The following USP24 variants were observed in gnomAD, a reference collection of about 807,000 sequenced individuals.
The protein encoded by USP24 is ubiquitin specific peptidase 24.
A neutral mutation model predicts 361.6 loss-of-function variants in USP24; 97 were observed. That is an observed-to-expected ratio of 0.27 (90% confidence interval 0.23 to 0.32). The LOEUF is 0.32. Among genes scored for constraint, USP24 ranks in the 10% least tolerant of loss-of-function variants. USP24 has a pLI of 1.00. For missense variants in USP24, 2,353 were observed against 3,165.6 expected (o/e 0.74, Z 6.16); for synonymous variants, 1,098 against 1,124.6 (o/e 0.98, Z 0.47).
intron 1 of USP24, among the ~76,000 whole-genome samples, chr1:55,200,758 T>G (rs1367777146): frequency 6.6e-6 from 1 of 152,228 alleles, no homozygotes. Context: ...TGACATCCTC[T>G]GCAAATCTTC....
intron 16 of USP24, among the ~76,000 whole-genome samples, chr1:55,151,290 C>G (rs1647185232): frequency 6.6e-6 from 1 of 152,192 alleles, no homozygotes; most frequent in African/African-American, 2.4e-5. Context: ...AGGACCACAG[C>G]AAAAATTTTT....
At chr1:55,172,880 A>C (rs1339994254) in intron 3 of USP24, among the ~76,000 whole-genome samples, 3 of 152,204 alleles carry the variant, frequency 2.0e-5, no homozygotes, top group Non-Finnish European at 2.9e-5. Flanking sequence ...GCCTTGAACA[A>C]ATTTACCTGA....
At chr1:55,153,544 T>A (rs553765181) in intron 16 of USP24, among the ~76,000 whole-genome samples, 1 of 152,180 alleles carries the variant, frequency 6.6e-6, no homozygotes, top group African/African-American at 2.4e-5. Context: ...CAATATTTAT[T>A]TGGAGTCCAC....
intron 1 of USP24, among the ~76,000 whole-genome samples, chr1:55,209,603 A>C (rs1644801369): frequency 6.6e-6 from 1 of 152,220 alleles, no homozygotes; most frequent in African/African-American, 2.4e-5. Flanking sequence ...TAGGAAACCT[A>C]ATATTGAAAC....
At chr1:55,097,485 T>C (rs952730330) in intron 48 of USP24, 113 bp downstream of exon 48, 1 of 1,426,240 alleles carries the variant, frequency 7.0e-7, no homozygotes, top group South Asian at 1.5e-5. Flanking sequence ...TTCATAATGC[T>C]GAGACAACAG....
rs1645241550 is a variant in USP24 at position 55,085,959 on chromosome 1, A to G, written c.6748T>C (p.Leu2250=). ...TILEKTLDSA[L]FYQDKLKSLH... ...AGACCGACCTTATCCTGATAAAACA[A>G]GGCACTGTCTAGGGTTTTCTCCAGA... Residue 2250 remains leucine, a synonymous_variant, in exon 56 of 68, where the codon TTG becomes CTG. Coordinates refer to ENST00000294383, the MANE Select transcript of USP24 (RefSeq NM_015306.3). 6.2e-7 allele frequency: 1 copy of G among 1,613,924 alleles called. No individual in the cohort carries two copies. The highest frequency in any genetic ancestry group is 2.2e-5 in the East Asian group (1 of 44,874).
chr1:55,138,472 AT>A lies in USP24; in HGVS notation c.2928+135del, dbSNP rs1225633261. The A allele has an allele frequency of 5.1e-6, 3 of 586,866 alleles. No individual in the cohort carries two copies. The East Asian group carries it at 8.6e-5, about 17-fold the overall frequency. 36.4% of individuals were successfully genotyped at this position (586,866 alleles called of 1,614,324 possible). A position where few individuals can be genotyped will look rare whatever the true frequency, so the allele number is the denominator to read the frequency against. On this transcript the variant is annotated intron_variant, in intron 26 of 67. Coordinates refer to ENST00000294383, the MANE Select transcript of USP24 (RefSeq NM_015306.3). ...ATATCTGCTTGTACCCCACAGTTTCATTTCAGGTCTTTATTCTACATTTGTT... is the reference window on the plus strand; with the variant it reads ...ATATCTGCTTGTACCCCACAGTTTCATTCAGGTCTTTATTCTACATTTGTT...
At chr1:55,210,232 A>G (rs1644815983) in intron 1 of USP24, among the ~76,000 whole-genome samples, 1 of 152,230 alleles carries the variant, frequency 6.6e-6, no homozygotes, top group Non-Finnish European at 1.5e-5. Flanking sequence ...TTCCCAAAGG[A>G]GATATATATA....
At position 55,172,451 on chromosome 1, in the gene USP24, G is replaced by A. The variant is rs781504845; in HGVS notation, c.628C>T (p.Leu210=). Residue 210 remains leucine, a synonymous_variant, in exon 4 of 68, where the codon CTA becomes TTA. Transcript: ENST00000294383. ...CTCTCTGCGACCAGTTCTATTAATAGCATCAACATGTTGTAAATTCCTTCA... is the reference window on the plus strand; with the variant it reads ...CTCTCTGCGACCAGTTCTATTAATAACATCAACATGTTGTAAATTCCTTCA... ...IHEGIYNMLM[L]LIELVAERIK... The A allele has an allele frequency of 6.2e-7, 1 of 1,613,432 alleles. No individual in the cohort carries two copies. Among genetic ancestry groups the A allele is most frequent in the Admixed American group, 1.7e-5 (1 of 59,988 alleles).
intron 5 of USP24, 35 bp downstream of exon 5, chr1:55,171,521 T>C: frequency 6.3e-7 from 1 of 1,575,764 alleles, no homozygotes; most frequent in Non-Finnish European, 8.6e-7. Context: ...TTCAATACAT[T>C]TTTCTATAAA....
chr1:55,091,619 A>G (rs1414733797), intron 54 of USP24, among the ~76,000 whole-genome samples: 2 of 152,106 alleles, frequency 1.3e-5, no homozygotes, highest in Admixed American at 6.5e-5. Context: ...ACTAAAACAC[A>G]ATTAGTCACT....
chr1:55,126,097 T>C (rs1646420809), intron 32 of USP24, among the ~76,000 whole-genome samples: 1 of 152,246 alleles, frequency 6.6e-6, no homozygotes, highest in Non-Finnish European at 1.5e-5. Context: ...CAGCAGAGTC[T>C]TCACAGTAGC....
chr1:55,131,861 C>A (rs1201171398), intron 31 of USP24, among the ~76,000 whole-genome samples: 1 of 152,128 alleles, frequency 6.6e-6, no homozygotes, highest in Admixed American at 6.5e-5. Flanking sequence ...CAAAATCATT[C>A]AGGGCTTTAT....
intron 38 of USP24, among the ~76,000 whole-genome samples, chr1:55,114,465 A>T (rs940418150): frequency 1.3e-5 from 2 of 152,194 alleles, no homozygotes; most frequent in Admixed American, 1.3e-4. Flanking sequence ...ACAAAGCTGG[A>T]GGCATCATGC....
chr1:55,158,828 G>A lies in USP24; in HGVS notation c.1227+50C>T, dbSNP rs550671412. On this transcript the variant is annotated intron_variant, in intron 10 of 67. Coordinates refer to ENST00000294383, the MANE Select transcript of USP24 (RefSeq NM_015306.3). Reference sequence around the variant, plus strand: ...ATATTAATAAGCATACATCTTGGCAGAACTTAGTATCTGTGCATTAAGTCT... The same window carrying A: ...ATATTAATAAGCATACATCTTGGCAAAACTTAGTATCTGTGCATTAAGTCT... 2.2e-6 allele frequency: 3 copies of A among 1,334,180 alleles called. No individual in the cohort carries two copies. In the African/African-American group the frequency reaches 4.5e-5, roughly 20 times the overall value. The allele number at this position is 1,334,180 out of a possible 1,614,324, so 82.6% of individuals were successfully genotyped here. A position where few individuals can be genotyped will look rare whatever the true frequency, so the allele number is the denominator to read the frequency against.
At chr1:55,094,473 C>T (rs1173986142) in intron 51 of USP24, among the ~76,000 whole-genome samples, 1 of 152,058 alleles carries the variant, frequency 6.6e-6, no homozygotes, top group African/African-American at 2.4e-5. Context: ...TAGAGCCACA[C>T]ACTCAAAGTC....
intron 57 of USP24, among the ~76,000 whole-genome samples, 189 bp from the exon 58 acceptor site, chr1:55,083,553 T>C (rs991931585): frequency 2.0e-5 from 3 of 152,134 alleles, no homozygotes; most frequent in African/African-American, 7.2e-5. Flanking sequence ...CAATAACTAC[T>C]AAACAATTAA....
intron 11 of USP24, 39 bp downstream of exon 11, chr1:55,157,217 T>C (rs751767731): frequency 6.9e-7 from 1 of 1,440,308 alleles, no homozygotes; most frequent in Admixed American, 2.1e-5. Flanking sequence ...ATTATTTAAA[T>C]TATGTGTTAG....
chr1:55,077,560 T>C (rs894634771), intron 61 of USP24, among the ~76,000 whole-genome samples: 1 of 152,174 alleles, frequency 6.6e-6, no homozygotes, highest in Non-Finnish European at 1.5e-5. Context: ...AGGGGAGATT[T>C]CAAGTCACTA....
Sources: gnomAD v4.1 joint callset for allele counts (sites outside exome capture counted in the v4.1 genomes callset) on GRCh38, gnomAD v4.1.1 for gene constraint, MANE v1.5 for transcripts, NCBI Gene and HGNC (gene_info 2026-07-23, HGNC 2026-07-21) for gene names.